SRRM1: variants seen among roughly 807,000 people sequenced by gnomAD.
SRRM1 encodes serine/arginine repetitive matrix protein 1.
A neutral mutation model predicts 110.2 loss-of-function variants in SRRM1; 19 were observed. The ratio of observed to expected loss-of-function variants is 0.17; its 90% CI spans 0.12 to 0.25. SRRM1 has a LOEUF of 0.25. Among genes scored for constraint, SRRM1 ranks in the 10% least tolerant of loss-of-function variants. SRRM1 has a pLI of 1.00. For synonymous variants in SRRM1, 443 were observed against 414.9 expected, an observed-to-expected ratio of 1.07 and a Z score of -0.82; for missense variants, 918 against 1,145.8, an observed-to-expected ratio of 0.80 and a Z score of 2.87.
At position 24,654,859 on chromosome 1, in the gene SRRM1, A is replaced by C. The variant is rs752161661; in HGVS notation, c.1045A>C (p.Arg349=). Residue 349 remains arginine (R), a synonymous_variant, in exon 9 of 17, where the codon AGA becomes CGA. Coordinates refer to ENST00000323848, the MANE Select transcript of SRRM1 (RefSeq NM_005839.4). The part of the protein sequence containing the change: ...RRSRSPVRRR[R]RSSASLSGSS... ...TATGAATACTTTATTCCACAGAAGA[A>C]GACGTTCGTCAGCATCCTTGTCTGG... 1.4e-4 allele frequency: 226 copies of C among 1,614,084 alleles called. No individual in the cohort carries two copies. The highest frequency in any genetic ancestry group is 1.4e-3 in the South Asian group (123 of 91,088).
intron 13 of SRRM1, among the ~76,000 whole-genome samples, chr1:24,668,887 A>G (rs1203777939): frequency 6.6e-6 from 1 of 152,168 alleles, no homozygotes; most frequent in Admixed American, 6.5e-5. Context: ...TGTTAATCAA[A>G]ATGTCTTTTT....
rs1672725396 is a variant in SRRM1, at chr1:24,671,531, C to G, written c.2546C>G (p.Ala849Gly). The change falls in exon 16 of 17, where the codon GCC becomes GGC. Residue 849 changes from alanine to glycine, a missense_variant. Ala to Gly is a moderately conservative substitution (Grantham distance 60). Coordinates refer to ENST00000323848, the MANE Select transcript of SRRM1 (RefSeq NM_005839.4). The part of the protein sequence containing the change: ...AAAAAAVTPA[A>G]IAAATTTLAQ... ...GCTGCAGCTGCTGTGACCCCTGCAG[C>G]CATTGCAGCTGCCACAACCACATTA... 1 of 1,608,882 alleles carries G rather than the reference C, an allele frequency of 6.2e-7. No homozygotes were observed. Among genetic ancestry groups the G allele is most frequent in the Non-Finnish European group, 8.5e-7 (1 of 1,178,730 alleles).
In SRRM1 at chr1:24,652,047, T is replaced by TAC. The variant is rs1285475630; in HGVS notation, c.726-386_726-385insCA. On this transcript the variant is annotated intron_variant, in intron 6 of 16. Coordinates refer to ENST00000323848, the MANE Select transcript of SRRM1 (RefSeq NM_005839.4). Reference sequence around the variant, plus strand: ...TACTAAAAATATATATATATATATATATATATATATATATATGTACACACA... The same window carrying TAC: ...TACTAAAAATATATATATATATATATACATATATATATATATATGTACACACA... 2.3e-5 allele frequency among the ~76,000 whole-genome samples: 3 copies of TAC among 132,226 alleles called. No individual in the cohort carries two copies. In the South Asian group the frequency reaches 7.6e-4, roughly 33 times the overall value. 86.7% of individuals were successfully genotyped at this position (132,226 alleles called of 152,430 possible).
At chr1:24,657,527 GA>G (rs1181514742) in intron 9 of SRRM1, among the ~76,000 whole-genome samples, 1 of 152,112 alleles carries the variant, frequency 6.6e-6, no homozygotes, top group African/African-American at 2.4e-5. Context: ...TAACATCATT[GA>G]AATGTAATAG....
chr1:24,671,940 C>CT (rs1172560088), intron 16 of SRRM1, among the ~76,000 whole-genome samples: 3 of 150,304 alleles, frequency 2.0e-5, no homozygotes, highest in Non-Finnish European at 4.4e-5. Context: ...TATTATTATA[C>CT]TTTAAGTTTT....
intron 11 of SRRM1, 30 bp from the exon 12 acceptor site, chr1:24,662,630 T>C: frequency 6.2e-7 from 1 of 1,605,780 alleles, no homozygotes; most frequent in Non-Finnish European, 8.5e-7. Context: ...ACAAACCTAA[T>C]GTAATATTTT....
Position 24,661,341 on chromosome 1 carries a change from A to G in SRRM1, c.1428A>G (p.Ala476=). 6.2e-7 allele frequency: 1 copy of G among 1,613,592 alleles called. No individual in the cohort carries two copies. Among genetic ancestry groups the G allele is most frequent in the Non-Finnish European group, 8.5e-7 (1 of 1,179,618 alleles). Residue 476 remains alanine (A), a synonymous_variant, in exon 11 of 17, where the codon GCA becomes GCG. Coordinates refer to ENST00000323848, the MANE Select transcript of SRRM1 (RefSeq NM_005839.4). ...ATAAAGGTGGCAAAATGGCTGCAGC[A>G]GATTCTGTGCAGCAGAGACGCCAAT... The part of the protein sequence containing the change: ...EEDKGGKMAA[A]DSVQQRRQYR...
At chr1:24,669,013 A>C in intron 13 of SRRM1, 110 bp from the exon 14 acceptor site, 1 of 790,976 alleles carries the variant, frequency 1.3e-6, no homozygotes, top group African/African-American at 1.7e-5. Context: ...TTATAAATAT[A>C]TTCCCTTTGC....
At chr1:24,671,349 AT>A (rs1296503350) in intron 15 of SRRM1, 36 bp from the exon 16 acceptor site, 3 of 1,534,002 alleles carry the variant, frequency 2.0e-6, no homozygotes, top group Middle Eastern at 1.7e-4. Context: ...AATCAGATTG[AT>A]TATAAATGCT....
intron 4 of SRRM1, 49 bp downstream of exon 4, chr1:24,649,078 G>A (rs759553172): frequency 6.4e-7 from 1 of 1,559,252 alleles, no homozygotes. Flanking sequence ...TATTGGCCAG[G>A]CTGCCGAGAC....
intron 7 of SRRM1, 130 bp downstream of exon 7, chr1:24,652,758 A>G (rs1661724319): frequency 4.6e-6 from 6 of 1,304,068 alleles, no homozygotes; most frequent in Non-Finnish European, 6.2e-6. Context: ...TACACAGAGA[A>G]TTTGAGGACA....
At chr1:24,659,752 G>C (rs1207281911) in intron 9 of SRRM1, among the ~76,000 whole-genome samples, 2 of 151,326 alleles carry the variant, frequency 1.3e-5, no homozygotes, top group Non-Finnish European at 2.9e-5. Context: ...ATACTACTGT[G>C]TTAATAGTGT....
At position 24,654,850 on chromosome 1, in the gene SRRM1, C is replaced by G. The variant is rs1279330087; in HGVS notation, c.1041-5C>G. On this transcript the variant is annotated splice_region_variant and splice_polypyrimidine_tract_variant and intron_variant, in intron 8 of 16. Coordinates refer to ENST00000323848, the MANE Select transcript of SRRM1 (RefSeq NM_005839.4). ...ATTAGTGAATATGAATACTTTATTC[C>G]ACAGAAGAAGACGTTCGTCAGCATC... is the stretch of plus-strand genomic sequence containing the variant. 6.2e-7 allele frequency: 1 copy of G among 1,613,966 alleles called. No homozygotes were observed. Among genetic ancestry groups the G allele is most frequent in the Non-Finnish European group, 8.5e-7 (1 of 1,179,898 alleles).
chr1:24,656,336 A>G (rs1286594271), intron 9 of SRRM1, among the ~76,000 whole-genome samples: 1 of 152,228 alleles, frequency 6.6e-6, no homozygotes, highest in Admixed American at 6.5e-5. Context: ...TAGTCTGTAA[A>G]AAGTAATGTT....
chr1:24,647,130 C>T (rs1658098636), intron 3 of SRRM1: 1 of 178,318 alleles, frequency 5.6e-6, no homozygotes, highest in Non-Finnish European at 1.2e-5. Flanking sequence ...AGCACCATCA[C>T]CTTATTAGGT....
chr1:24,649,096 G>A, intron 4 of SRRM1, 67 bp downstream of exon 4: 1 of 1,418,116 alleles, frequency 7.1e-7, no homozygotes, highest in Non-Finnish European at 9.8e-7. Context: ...GACACCTTAG[G>A]TAGTATATGA....
chr1:24,653,318 T>A (rs1411490056), intron 8 of SRRM1, among the ~76,000 whole-genome samples: 1 of 152,180 alleles, frequency 6.6e-6, no homozygotes, highest in African/African-American at 2.4e-5. Flanking sequence ...AGTAAGAGAA[T>A]TGGCCACCTT....
intron 10 of SRRM1, chr1:24,661,023 C>T (rs181612033): frequency 8.1e-4 from 428 of 531,574 alleles, no homozygotes; most frequent in Non-Finnish European, 7.7e-4. Context: ...CTTTCATCTC[C>T]GAAATAGGGA....
chr1:24,657,950 C>G (rs1557697969), intron 9 of SRRM1, among the ~76,000 whole-genome samples: 1 of 152,020 alleles, frequency 6.6e-6, no homozygotes. Flanking sequence ...TTGGGCAGGT[C>G]TAAGATTAAT....
Sources: gnomAD v4.1 joint callset for allele counts (sites outside exome capture counted in the v4.1 genomes callset) on GRCh38, gnomAD v4.1.1 for gene constraint, MANE v1.5 for transcripts, NCBI Gene and HGNC (gene_info 2026-07-23, HGNC 2026-07-21) for gene names.